Variants in CMIP observed in about 807,000 individuals in gnomAD.
CMIP encodes C-Maf-inducing protein.
CMIP carries 13 observed loss-of-function variants against 97.3 expected under a neutral mutation model. The ratio of observed to expected loss-of-function variants is 0.13; its 90% CI spans 0.09 to 0.21. The LOEUF (loss-of-function observed/expected upper bound fraction) is 0.21. CMIP is among the 10% of genes least tolerant of loss of function. The pLI is 1.00. For missense variants in CMIP, 847 were observed against 1,024.9 expected (o/e 0.83, Z 2.37); for synonymous variants, 538 against 436.3 (o/e 1.23, Z -2.91).
chr16:81,693,545 G>A, intron 13 of CMIP, 58 bp downstream of exon 13: 2 of 1,562,468 alleles, frequency 1.3e-6, no homozygotes, highest in South Asian at 1.2e-5. Context: ...GGATGCACGA[G>A]GGCCCCTTAG....
chr16:81,607,811 T>C lies in CMIP; in HGVS notation c.426+119T>C, dbSNP rs77742628. The C allele has an allele frequency of 1.8e-3, 2,028 of 1,117,302 alleles. 27 individuals are homozygous for C. The African/African-American group carries it at 0.029, about 16-fold the overall frequency. The allele number at this position is 1,117,302 out of a possible 1,614,324, so 69.2% of individuals were successfully genotyped here. ...AGAGGAAAGGTTGTTTAACTTTGGG[T>C]GATTTTATTCCCCAAGTATAAGAAA... On this transcript the variant is annotated intron_variant, in intron 2 of 20. Transcript: ENST00000537098.
At chr16:81,609,458 G>T (rs948355197) in intron 2 of CMIP, among the ~76,000 whole-genome samples, 3 of 152,242 alleles carry the variant, frequency 2.0e-5, no homozygotes, top group Non-Finnish European at 4.4e-5. Context: ...CTACCCCAAT[G>T]ACTTTGCTGT....
chr16:81,640,410 C>G (rs548320088), intron 3 of CMIP, among the ~76,000 whole-genome samples: 4 of 152,116 alleles, frequency 2.6e-5, no homozygotes, highest in African/African-American at 9.6e-5. Flanking sequence ...CTGGACGGCT[C>G]AGCTCGAGTC....
At chr16:81,669,200 C>T (rs1332724512) in intron 7 of CMIP, among the ~76,000 whole-genome samples, 1 of 138,298 alleles carries the variant, frequency 7.2e-6, no homozygotes, top group African/African-American at 2.8e-5. Flanking sequence ...CCTTCCACAC[C>T]CATCTCTCAC....
intron 1 of CMIP, among the ~76,000 whole-genome samples, chr16:81,498,054 G>T (rs1180660406): frequency 2.0e-5 from 3 of 152,182 alleles, no homozygotes; most frequent in Admixed American, 1.3e-4. Flanking sequence ...GCATGTGTTG[G>T]TTCATTCATT....
chr16:81,692,317 C>G (rs922132862), intron 11 of CMIP, among the ~76,000 whole-genome samples: 2 of 152,208 alleles, frequency 1.3e-5, no homozygotes, highest in Admixed American at 6.5e-5. Flanking sequence ...AGCTCAGGCT[C>G]TGCAGCAAAC....
intron 1 of CMIP, among the ~76,000 whole-genome samples, chr16:81,576,299 G>T (rs981403883): frequency 6.6e-6 from 1 of 152,118 alleles, no homozygotes; most frequent in African/African-American, 2.4e-5. Flanking sequence ...AGCTACTCGG[G>T]AGGCTGATGG....
At chr16:81,701,176 G>A (rs113502837) in intron 15 of CMIP, among the ~76,000 whole-genome samples, 1,715 of 152,190 alleles carry the variant, frequency 0.011, 38 homozygotes, top group African/African-American at 0.039. Flanking sequence ...TGTCAGGCGT[G>A]TTGACCCCCA....
intron 3 of CMIP, among the ~76,000 whole-genome samples, chr16:81,644,681 G>C (rs1433334679): frequency 6.6e-6 from 1 of 152,230 alleles, no homozygotes; most frequent in Non-Finnish European, 1.5e-5. Context: ...TACACACTTA[G>C]CATCTGCAGC....
intron 1 of CMIP, among the ~76,000 whole-genome samples, chr16:81,535,589 G>C (rs1201611744): frequency 2.6e-5 from 4 of 151,422 alleles, no homozygotes; most frequent in Non-Finnish European, 4.4e-5. Context: ...GTAGTACTGT[G>C]CCTGGCATAG....
chr16:81,709,987 A>C lies in CMIP; in HGVS notation c.*188A>C, dbSNP rs1242253991. ...CCACAAGCACGCCCAGCCCCCGCCG[A>C]ATTCTTTTAGCTTCGTAATTGGAAC... On this transcript the variant is annotated 3_prime_UTR_variant, in exon 21 of 21. Transcript: ENST00000537098. 1.9e-6 allele frequency: 1 copy of C among 516,488 alleles called. No individual in the cohort carries two copies. Among genetic ancestry groups the C allele is most frequent in the Non-Finnish European group, 3.5e-6 (1 of 287,734 alleles). 32.0% of individuals were successfully genotyped at this position (516,488 alleles called of 1,614,324 possible).
Position 81,650,870 on chromosome 16 carries a change from G to A in CMIP, c.478-1333G>A, listed in dbSNP as rs138721222. Among the ~76,000 whole-genome samples, 8 of 152,264 alleles carry A rather than the reference G, an allele frequency of 5.3e-5. No individual in the cohort carries two copies. The East Asian group carries it at 7.7e-4, about 15-fold the overall frequency. On this transcript the variant is annotated intron_variant, in intron 3 of 20. Coordinates refer to ENST00000537098, the MANE Select transcript of CMIP (RefSeq NM_198390.3). ...TTTCTAGGAAGAACCAGATCTTTCC[G>A]ACTCAGGTCCACCTCCCGTCCCACC...
intron 1 of CMIP, among the ~76,000 whole-genome samples, chr16:81,489,963 C>A (rs866204966): frequency 6.6e-5 from 10 of 152,188 alleles, no homozygotes; most frequent in Admixed American, 1.3e-4. Context: ...TTTCCGGCCA[C>A]CGGGATTCTT....
intron 7 of CMIP, chr16:81,666,357 A>G (rs898566556): frequency 6.6e-6 from 1 of 152,068 alleles, no homozygotes; most frequent in Non-Finnish European, 1.5e-5. Context: ...ATTTTTGCAT[A>G]CTCCATGTTA....
At chr16:81,666,458 A>G (rs989918346) in intron 7 of CMIP, 1 of 152,200 alleles carries the variant, frequency 6.6e-6, no homozygotes, top group Non-Finnish European at 1.5e-5. Context: ...GGGCTTCACC[A>G]TACAACGCCT....
At chr16:81,706,765 C>T (rs753105082) in intron 19 of CMIP, among the ~76,000 whole-genome samples, 61 of 152,122 alleles carry the variant, frequency 4.0e-4, no homozygotes, top group Non-Finnish European at 7.2e-4. Context: ...GACAGAGGGA[C>T]CAGAAGGGAG....
At chr16:81,537,301 G>A (rs1417392208) in intron 1 of CMIP, among the ~76,000 whole-genome samples, 3 of 152,110 alleles carry the variant, frequency 2.0e-5, no homozygotes, top group African/African-American at 7.2e-5. Context: ...TTGGGAGGCC[G>A]AGGTGGGCGG....
chr16:81,684,788 C>T (rs910081823), intron 10 of CMIP, among the ~76,000 whole-genome samples: 2 of 152,208 alleles, frequency 1.3e-5, no homozygotes, highest in Admixed American at 1.3e-4. Context: ...TGTCCGTCCC[C>T]TCCGTCCAAG....
At chr16:81,553,625 C>G (rs2090704246) in intron 1 of CMIP, among the ~76,000 whole-genome samples, 1 of 152,220 alleles carries the variant, frequency 6.6e-6, no homozygotes, top group Non-Finnish European at 1.5e-5. Flanking sequence ...AGAGAGACCT[C>G]TAAACACAGC....
Sources: allele counts gnomAD v4.1 joint callset (sites outside exome capture counted in the v4.1 genomes callset), GRCh38; gene constraint gnomAD v4.1.1; transcripts MANE v1.5; gene names NCBI Gene and HGNC (gene_info 2026-07-23, HGNC 2026-07-21).